ARHGAP32: variants seen among roughly 807,000 people sequenced by gnomAD.
ARHGAP32 encodes rho GTPase-activating protein 32.
Under a neutral mutation model 186.5 loss-of-function variants are expected in ARHGAP32, and 51 were observed. The observed-to-expected ratio is 0.27, with a 90% CI of 0.22 to 0.35. The LOEUF is 0.35. Among genes scored for constraint, ARHGAP32 ranks in the 10% least tolerant of loss-of-function variants. The pLI, the probability that ARHGAP32 is intolerant of heterozygous loss-of-function variation, is 1.00. For synonymous variants in ARHGAP32, 950 were observed against 964.3 expected (o/e 0.99, Z 0.27); for missense variants, 2,186 against 2,623.5 (o/e 0.83, Z 3.64).
At position 129,093,718 on chromosome 11, in the gene ARHGAP32, G is replaced by GA. The variant is rs770000500; in HGVS notation, c.445-12dup. 7.2e-5 allele frequency: 111 copies of GA among 1,547,250 alleles called. No homozygotes were observed. The highest frequency in any genetic ancestry group is 1.6e-4 in the East Asian group (7 of 43,470). On this transcript the variant is annotated splice_polypyrimidine_tract_variant and intron_variant, in intron 5 of 22. Transcript: ENST00000682385. The stretch of plus-strand genomic sequence containing the variant: ...TTCTGAAAGTGAAAGCTACATCACA[G>GA]AAAAAAAAGAAGAGGGGGAAAGAAA...
chr11:128,991,441 AAAAC>A (rs1293922027), intron 12 of ARHGAP32, among the ~76,000 whole-genome samples: 1 of 152,206 alleles, frequency 6.6e-6, no homozygotes, highest in African/African-American at 2.4e-5. Flanking sequence ...CAAAAACTGA[AAAAC>A]AATGTCAGAA....
At position 129,095,297 on chromosome 11, in the gene ARHGAP32, G is replaced by T. The variant is rs146988157; in HGVS notation, c.445-1590C>A. Among the ~76,000 whole-genome samples, 738 of 152,302 alleles carry T rather than the reference G, an allele frequency of 4.8e-3. 12 individuals carry two copies. Among genetic ancestry groups the T allele is most frequent in the African/African-American group, 0.017 (697 of 41,560 alleles). ...ACAAGAGAAAAAAGAATCTATGTTA[G>T]ACAGGGTAAGGAGAAGCCAGCCAAA... On this transcript the variant is annotated intron_variant, in intron 5 of 22. Transcript: ENST00000682385.
rs752020784 is a variant in ARHGAP32 at position 128,981,400 on chromosome 11, G to A, written c.1780+16C>T. 7 of 1,567,530 alleles carry A rather than the reference G, an allele frequency of 4.5e-6. No homozygotes were observed. The East Asian group carries it at 1.6e-4, about 36-fold the overall frequency. Reference sequence around the variant, plus strand: ...GAGACACACCCTCCTGGTAGGAAGGGCCATCGGAGCCGTACCTGCCCCCTC... The same window carrying A: ...GAGACACACCCTCCTGGTAGGAAGGACCATCGGAGCCGTACCTGCCCCCTC... On this transcript the variant is annotated intron_variant, in intron 17 of 22. Transcript: ENST00000682385.
chr11:129,077,177 T>C (rs1045471838), intron 6 of ARHGAP32, among the ~76,000 whole-genome samples: 3 of 152,148 alleles, frequency 2.0e-5, no homozygotes, highest in African/African-American at 7.2e-5. Context: ...AGGGGTTCTT[T>C]GGGAGGGATG....
At chr11:129,211,151 TTTAC>T (rs896740247) in intron 1 of ARHGAP32, among the ~76,000 whole-genome samples, 2 of 152,200 alleles carry the variant, frequency 1.3e-5, no homozygotes, top group African/African-American at 4.8e-5. Flanking sequence ...GTAATATTTC[TTTAC>T]TTATTAGGAC....
chr11:129,213,525 T>C (rs1457774314), intron 1 of ARHGAP32, among the ~76,000 whole-genome samples: 1 of 152,196 alleles, frequency 6.6e-6, no homozygotes, highest in Non-Finnish European at 1.5e-5. Context: ...TATAAGGTAC[T>C]GCAGGACATG....
chr11:129,062,244 T>C lies in ARHGAP32; in HGVS notation c.963+36A>G, dbSNP rs1423441068. The C allele has an allele frequency of 7.5e-6, 12 of 1,594,214 alleles. No individual in the cohort carries two copies. In the Admixed American group the frequency reaches 1.0e-4, roughly 13 times the overall value. On this transcript the variant is annotated intron_variant, in intron 10 of 22. Transcript: ENST00000682385. ...TTACTGAATCATAAAAAAACTTTCC[T>C]TTGAATTTTCCCACACCTAATTTGC...
chr11:128,980,615 T>C lies in ARHGAP32; in HGVS notation c.1914A>G (p.Val638=), dbSNP rs769379186. 1 of 1,614,022 alleles carries C rather than the reference T, an allele frequency of 6.2e-7. No individual in the cohort carries two copies. The highest frequency in any genetic ancestry group is 2.2e-5 in the East Asian group (1 of 44,876). Residue 638 remains valine (V), a synonymous_variant, in exon 18 of 23, where the codon GTA becomes GTG. Coordinates refer to ENST00000682385, the MANE Select transcript of ARHGAP32 (RefSeq NM_001378024.1). ...CCTGAAGTGCAGCAGGTCCTTCTCC[T>C]ACTTCGATATATTTATTTTCCGTCA... is the stretch of plus-strand genomic sequence containing the variant. ...PIVTENKYIE[V]GEGPAALQGK... is the part of the protein sequence containing the mutation.
intron 1 of ARHGAP32, among the ~76,000 whole-genome samples, chr11:129,215,024 A>G (rs1322407163): frequency 6.6e-6 from 1 of 152,154 alleles, no homozygotes; most frequent in Non-Finnish European, 1.5e-5. Flanking sequence ...GGAACACTCA[A>G]AATGGATATA....
intron 5 of ARHGAP32, among the ~76,000 whole-genome samples, chr11:129,111,694 A>T (rs544567004): frequency 6.6e-6 from 1 of 152,102 alleles, no homozygotes; most frequent in African/African-American, 2.4e-5. Flanking sequence ...ATAGTTGTTC[A>T]TGACAGTCTC....
At chr11:129,017,318 G>T (rs1439889463) in intron 11 of ARHGAP32, among the ~76,000 whole-genome samples, 1 of 151,914 alleles carries the variant, frequency 6.6e-6, no homozygotes, top group East Asian at 1.9e-4. Context: ...GCCGGGTGTG[G>T]TGGCGGGCAC....
chr11:129,064,688 C>T (rs555643735), intron 8 of ARHGAP32, among the ~76,000 whole-genome samples, 153 bp downstream of exon 8: 23 of 152,198 alleles, frequency 1.5e-4, no homozygotes, highest in African/African-American at 4.8e-4. Context: ...AAAAATATTT[C>T]GTGTATCACG....
intron 1 of ARHGAP32, among the ~76,000 whole-genome samples, chr11:129,245,550 GTAAC>G (rs1422625938): frequency 6.7e-6 from 1 of 149,868 alleles, no homozygotes; most frequent in Non-Finnish European, 1.5e-5. Flanking sequence ...GTATACATAT[GTAAC>G]TAACCTGCAC....
At chr11:129,172,538 T>C (rs533791269) in intron 1 of ARHGAP32, among the ~76,000 whole-genome samples, 10 of 152,314 alleles carry the variant, frequency 6.6e-5, no homozygotes, top group African/African-American at 2.4e-4. Context: ...GAACACATAA[T>C]TGGAAGTAAA....
At chr11:129,097,397 C>A (rs540523351) in intron 5 of ARHGAP32, among the ~76,000 whole-genome samples, 1 of 151,792 alleles carries the variant, frequency 6.6e-6, no homozygotes, top group Non-Finnish European at 1.5e-5. Flanking sequence ...TAAAGATGTT[C>A]GAAGACCTAA....
rs1319530938 is a variant in ARHGAP32, at chr11:129,084,582, A to G, written c.531+9039T>C. 2.6e-5 allele frequency among the ~76,000 whole-genome samples: 4 copies of G among 152,298 alleles called. No individual in the cohort carries two copies. The East Asian group carries it at 7.7e-4, about 29-fold the overall frequency. On this transcript the variant is annotated intron_variant, in intron 6 of 22. Coordinates refer to ENST00000682385, the MANE Select transcript of ARHGAP32 (RefSeq NM_001378024.1). The stretch of plus-strand genomic sequence containing the variant: ...ATCACATGATTTCACCAATAAACAC[A>G]GAAAAAGCATTTAAGAAAATCCATC...
At chr11:129,254,272 A>G (rs1945226568) in intron 1 of ARHGAP32, among the ~76,000 whole-genome samples, 1 of 152,090 alleles carries the variant, frequency 6.6e-6, no homozygotes, top group African/African-American at 2.4e-5. Context: ...TAGGGATCAT[A>G]TATTTTCAAT....
At chr11:129,204,787 T>A (rs542515031) in intron 1 of ARHGAP32, among the ~76,000 whole-genome samples, 1 of 152,322 alleles carries the variant, frequency 6.6e-6, no homozygotes, top group African/African-American at 2.4e-5. Context: ...AAACATCTTA[T>A]CCTCAAGTAA....
At chr11:129,102,385 C>T (rs1484984222) in intron 5 of ARHGAP32, among the ~76,000 whole-genome samples, 1 of 152,114 alleles carries the variant, frequency 6.6e-6, no homozygotes, top group African/African-American at 2.4e-5. Flanking sequence ...CTAAATACCC[C>T]AATTAAAAGA....
Sources: allele counts gnomAD v4.1 joint callset (sites outside exome capture counted in the v4.1 genomes callset), GRCh38; gene constraint gnomAD v4.1.1; transcripts MANE v1.5; gene names NCBI Gene and HGNC (gene_info 2026-07-23, HGNC 2026-07-21).